COL19A1: variants seen among roughly 807,000 people sequenced by gnomAD.
The protein encoded by COL19A1 is collagen alpha-1(XIX) chain.
A neutral mutation model predicts 190.2 loss-of-function variants in COL19A1; 159 were observed. The observed-to-expected ratio is 0.84, with a 90% CI of 0.73 to 0.95. The LOEUF (loss-of-function observed/expected upper bound fraction) is 0.95. Among genes scored for constraint, COL19A1 ranks in the 40% least tolerant of loss-of-function variants. The pLI is 0.00. For synonymous variants in COL19A1, 509 were observed against 458.9 expected (o/e 1.11, Z -1.39); for missense variants, 1,418 against 1,431.9 (o/e 0.99, Z 0.16).
chr6:70,206,871 G>A lies in COL19A1; in HGVS notation c.3224-30G>A, dbSNP rs78546554. 0.054 allele frequency: 85,772 copies of A among 1,594,456 alleles called. 2,578 individuals are homozygous for A. Among genetic ancestry groups the A allele is most frequent in the Non-Finnish European group, 0.061 (71,777 of 1,169,304 alleles). Reference sequence around the variant, plus strand: ...TGTGTTGCCATAGAACCCTTTTTGTGTGTCTCTTTTTTATATATTTCTCAC... The same window carrying A: ...TGTGTTGCCATAGAACCCTTTTTGTATGTCTCTTTTTTATATATTTCTCAC... On this transcript the variant is annotated intron_variant, in intron 49 of 50. Transcript: ENST00000620364.
intron 12 of COL19A1, among the ~76,000 whole-genome samples, chr6:70,031,994 G>T (rs1181683431): frequency 6.6e-6 from 1 of 152,110 alleles, no homozygotes; most frequent in African/African-American, 2.4e-5. Flanking sequence ...TTGCAATAGG[G>T]GAATTGCAAT....
chr6:70,079,863 A>G (rs549231309), intron 15 of COL19A1, among the ~76,000 whole-genome samples: 8 of 152,284 alleles, frequency 5.3e-5, no homozygotes, highest in East Asian at 1.9e-4. Context: ...TTTTTTTCTC[A>G]TAAGTGTATA....
At chr6:70,187,930 G>A (rs1766627391) in intron 46 of COL19A1, 145 bp from the exon 47 acceptor site, 1 of 892,976 alleles carries the variant, frequency 1.1e-6, no homozygotes, top group Non-Finnish European at 1.7e-6. Flanking sequence ...CACTTTGTAG[G>A]AGAGGAGGCT....
rs1430410858 is a variant in COL19A1, at chr6:70,208,044, A to T, written c.*770A>T. 1.3e-5 allele frequency: 2 copies of T among 152,182 alleles called. No individual in the cohort carries two copies. Among genetic ancestry groups the T allele is most frequent in the Non-Finnish European group, 2.9e-5 (2 of 68,020 alleles). The allele number at this position is 152,182 out of a possible 1,614,324, so 9.4% of individuals were successfully genotyped here. A position where few individuals can be genotyped will look rare whatever the true frequency, so the allele number is the denominator to read the frequency against. On this transcript the variant is annotated 3_prime_UTR_variant, in exon 51 of 51. Transcript: ENST00000620364. The stretch of plus-strand genomic sequence containing the variant: ...AGTTTTGTATGAGTTCTGCAAAAAA[A>T]GCCTAATATTCTGTGGTCCCCTCAC...
chr6:70,120,582 T>C (rs1373690987), intron 16 of COL19A1, among the ~76,000 whole-genome samples: 1 of 152,224 alleles, frequency 6.6e-6, no homozygotes, highest in Non-Finnish European at 1.5e-5. Context: ...ATGAAAAATA[T>C]ATAATGCCAT....
At chr6:70,205,041 A>G (rs893412906) in intron 49 of COL19A1, among the ~76,000 whole-genome samples, 2 of 152,190 alleles carry the variant, frequency 1.3e-5, no homozygotes, top group African/African-American at 4.8e-5. Context: ...AACTATGGTT[A>G]TTATGTCACA....
intron 15 of COL19A1, among the ~76,000 whole-genome samples, chr6:70,100,733 C>A (rs1783579803): frequency 1.3e-5 from 2 of 151,938 alleles, no homozygotes; most frequent in South Asian, 4.2e-4. Flanking sequence ...CTGCCTCGGC[C>A]TCCCAAAGTG....
At chr6:70,045,138 TG>T (rs990505576) in intron 14 of COL19A1, among the ~76,000 whole-genome samples, 2 of 151,668 alleles carry the variant, frequency 1.3e-5, no homozygotes, top group African/African-American at 4.8e-5. Flanking sequence ...AATGGAGAAA[TG>T]CCATCTCAAC....
intron 14 of COL19A1, among the ~76,000 whole-genome samples, chr6:70,053,588 G>A (rs755625231): frequency 7.9e-5 from 12 of 152,096 alleles, no homozygotes; most frequent in African/African-American, 1.7e-4. Context: ...TAGTTCGACC[G>A]ATTAACCCTG....
intron 48 of COL19A1, among the ~76,000 whole-genome samples, chr6:70,191,704 A>G (rs1371860311): frequency 6.6e-6 from 1 of 152,238 alleles, no homozygotes; most frequent in African/African-American, 2.4e-5. Flanking sequence ...TGCTAAAATC[A>G]AGATTACTCT....
At chr6:70,123,954 G>A (rs1785041308) in intron 17 of COL19A1, among the ~76,000 whole-genome samples, 1 of 147,308 alleles carries the variant, frequency 6.8e-6, no homozygotes, top group East Asian at 2.0e-4. Context: ...AAAACTTAAA[G>A]CATAATAATA....
intron 15 of COL19A1, among the ~76,000 whole-genome samples, chr6:70,091,547 C>G (rs1050339766): frequency 4.0e-5 from 4 of 100,744 alleles, no homozygotes; most frequent in Non-Finnish European, 6.2e-5. Flanking sequence ...GAAAAGCCAG[C>G]AGGTGAACAA....
intron 16 of COL19A1, among the ~76,000 whole-genome samples, chr6:70,112,970 G>A (rs1221543051): frequency 6.6e-6 from 1 of 152,174 alleles, no homozygotes; most frequent in African/African-American, 2.4e-5. Context: ...GTCCAAAGTG[G>A]CAGATGTGAA....
intron 42 of COL19A1, among the ~76,000 whole-genome samples, chr6:70,178,244 C>T (rs1412475037): frequency 1.3e-5 from 2 of 152,030 alleles, no homozygotes; most frequent in African/African-American, 4.8e-5. Context: ...CAAAAATTAG[C>T]TGGGCACCTT....
intron 22 of COL19A1, 59 bp from the exon 23 acceptor site, chr6:70,142,708 A>G: frequency 6.9e-7 from 1 of 1,449,730 alleles, no homozygotes; most frequent in Non-Finnish European, 9.4e-7. Context: ...ACTCAGGTAC[A>G]ATCTATCTTT....
Position 70,103,763 on chromosome 6 carries a change from C to T in COL19A1, c.1278+1541C>T, listed in dbSNP as rs570595404. On this transcript the variant is annotated intron_variant, in intron 16 of 50. Coordinates refer to ENST00000620364, the MANE Select transcript of COL19A1 (RefSeq NM_001858.6). ...TCCCATGGTCCTGTATCTTACACCT[C>T]GGACAGACACGGCATGTTACTTTGG... Among the ~76,000 whole-genome samples the T allele has an allele frequency of 2.0e-5, 3 of 152,282 alleles. No individual in the cohort carries two copies. The East Asian group carries it at 5.8e-4, about 29-fold the overall frequency.
In COL19A1 at chr6:70,180,309, C is replaced by G; in HGVS notation, c.2668-3C>G. ...AACATTTCTCTTCAATTTGCCTTGC[C>G]AGGGAAAACCTGGTGCCCCAGGGCC... On this transcript the variant is annotated splice_region_variant and splice_polypyrimidine_tract_variant and intron_variant, in intron 42 of 50. Coordinates refer to ENST00000620364, the MANE Select transcript of COL19A1 (RefSeq NM_001858.6). The G allele has an allele frequency of 1.2e-6, 2 of 1,614,088 alleles. No individual in the cohort carries two copies. The highest frequency in any genetic ancestry group is 1.7e-6 in the Non-Finnish European group (2 of 1,179,990).
chr6:69,965,381 A>G (rs1304195849), intron 11 of COL19A1, among the ~76,000 whole-genome samples: 1 of 152,224 alleles, frequency 6.6e-6, no homozygotes, highest in African/African-American at 2.4e-5. Flanking sequence ...TGACATTTCT[A>G]TAATGCAGTG....
chr6:70,141,970 G>T, intron 21 of COL19A1, 42 bp downstream of exon 21: 1 of 1,610,394 alleles, frequency 6.2e-7, no homozygotes, highest in African/African-American at 1.3e-5. Flanking sequence ...CAACCTTAAT[G>T]AGATTATGAA....
Sources: allele counts gnomAD v4.1 joint callset (sites outside exome capture counted in the v4.1 genomes callset), GRCh38; gene constraint gnomAD v4.1.1; transcripts MANE v1.5; gene names NCBI Gene and HGNC (gene_info 2026-07-23, HGNC 2026-07-21).